The following DIPK1A variants were observed in gnomAD, a reference collection of about 807,000 sequenced individuals.
DIPK1A encodes the protein family with sequence similarity 69 member A.
A neutral mutation model predicts 40.8 loss-of-function variants in DIPK1A; 27 were observed. The observed-to-expected ratio is 0.66, with a 90% confidence interval of 0.49 to 0.91. The LOEUF (loss-of-function observed/expected upper bound fraction) is 0.91, where lower values mean the gene tolerates loss of function less well. Among genes scored for constraint, DIPK1A ranks in the 40% least tolerant of loss-of-function variants. The pLI is 0.00. For synonymous variants in DIPK1A, 166 were observed against 171.3 expected, an observed-to-expected ratio of 0.97 and a Z score of 0.24; for missense variants, 412 against 505.7, an observed-to-expected ratio of 0.81 and a Z score of 1.78.
rs1192984315 is a variant in DIPK1A at position 92,897,960 on chromosome 1, G to A, written c.55-21530C>T. Among the ~76,000 whole-genome samples, 5 of 152,072 alleles carry A rather than the reference G, an allele frequency of 3.3e-5. No individual in the cohort carries two copies. The South Asian group carries it at 6.2e-4, about 19-fold the overall frequency. On this transcript the variant is annotated intron_variant, in intron 1 of 4. Coordinates refer to ENST00000370310, the MANE Select transcript of DIPK1A (RefSeq NM_001006605.5). ...CTAAAAATACAAAAATTAGCCATGC[G>A]TGGTGGCGTGCACCTATAGTCTCAG...
chr1:92,840,852 T>C, downstream of DIPK1A: 1 of 680,650 alleles, frequency 1.5e-6, no homozygotes, highest in Non-Finnish European at 2.7e-6. Flanking sequence ...TAGTACAGTC[T>C]AAGTACTGGT....
At chr1:92,904,452 G>A (rs1486831247) in intron 1 of DIPK1A, among the ~76,000 whole-genome samples, 2 of 152,072 alleles carry the variant, frequency 1.3e-5, no homozygotes, top group Admixed American at 1.3e-4. Flanking sequence ...AGTGAATGTT[G>A]CTATAAATCT....
At chr1:92,899,574 G>A (rs531835258) in intron 1 of DIPK1A, among the ~76,000 whole-genome samples, 3 of 152,138 alleles carry the variant, frequency 2.0e-5, no homozygotes, top group South Asian at 2.1e-4. Flanking sequence ...GGGAAAACTC[G>A]CTTCTTCATT....
chr1:92,947,123 T>C (rs1019051990), intron 1 of DIPK1A, among the ~76,000 whole-genome samples: 1 of 152,150 alleles, frequency 6.6e-6, no homozygotes, highest in Non-Finnish European at 1.5e-5. Context: ...CTATTATATG[T>C]ATATAGTAAC....
intron 1 of DIPK1A, among the ~76,000 whole-genome samples, chr1:92,957,980 A>G (rs1034450034): frequency 2.0e-4 from 31 of 152,280 alleles, no homozygotes; most frequent in African/African-American, 7.2e-4. Context: ...ATAATACGTG[A>G]TCTTTTGTGA....
intron 1 of DIPK1A, among the ~76,000 whole-genome samples, chr1:92,949,875 G>A (rs1367311414): frequency 6.6e-6 from 1 of 152,162 alleles, no homozygotes; most frequent in African/African-American, 2.4e-5. Flanking sequence ...TTACAATTAT[G>A]TATGCTGATT....
chr1:92,864,736 T>TA lies in DIPK1A; in HGVS notation c.189+11559dup, dbSNP rs879735704. On this transcript the variant is annotated intron_variant, in intron 2 of 4. Coordinates refer to ENST00000370310, the MANE Select transcript of DIPK1A (RefSeq NM_001006605.5). Reference sequence around the variant, plus strand: ...GTGATTTCTATAATCAGAGAAAATGTAAAAAAAAAATGATATAACAAGGCC... The same window carrying TA: ...GTGATTTCTATAATCAGAGAAAATGTAAAAAAAAAAATGATATAACAAGGCC... Among the ~76,000 whole-genome samples the TA allele has an allele frequency of 1.9e-3, 287 of 148,256 alleles. 1 individual carries two copies. The highest frequency in any genetic ancestry group is 4.1e-3 in the African/African-American group (168 of 40,530).
At chr1:92,902,044 C>T (rs554983174) in intron 1 of DIPK1A, among the ~76,000 whole-genome samples, 8 of 152,014 alleles carry the variant, frequency 5.3e-5, no homozygotes, top group East Asian at 1.9e-4. Context: ...TGGTGGGGGA[C>T]GCGGGAGGGC....
downstream of DIPK1A, among the ~76,000 whole-genome samples, chr1:92,839,942 G>A (rs1479224968): frequency 3.3e-5 from 5 of 151,634 alleles, no homozygotes; most frequent in East Asian, 9.7e-4. Context: ...CTGGGCTCAA[G>A]CAATTCTCCC....
intron 1 of DIPK1A, among the ~76,000 whole-genome samples, chr1:92,878,230 A>G (rs1030027020): frequency 1.3e-5 from 2 of 152,240 alleles, no homozygotes; most frequent in African/African-American, 4.8e-5. Context: ...AGGGAAAAAA[A>G]GGCAAGGGGA....
chr1:92,873,276 C>T (rs1647960575), intron 2 of DIPK1A, among the ~76,000 whole-genome samples: 1 of 152,074 alleles, frequency 6.6e-6, no homozygotes, highest in Non-Finnish European at 1.5e-5. Context: ...GATCATACAT[C>T]ACCAGTGAAA....
At chr1:92,887,588 C>G (rs1648669305) in intron 1 of DIPK1A, among the ~76,000 whole-genome samples, 1 of 152,148 alleles carries the variant, frequency 6.6e-6, no homozygotes, top group African/African-American at 2.4e-5. Flanking sequence ...GTCCTGAAGT[C>G]AAGCCAAGCC....
chr1:92,893,743 G>A (rs919925145), intron 1 of DIPK1A, among the ~76,000 whole-genome samples: 21 of 151,984 alleles, frequency 1.4e-4, no homozygotes, highest in Non-Finnish European at 2.9e-4. Context: ...TCAGTGTGCT[G>A]TATTCAGGAA....
At chr1:92,892,795 G>C (rs1648957197) in intron 1 of DIPK1A, among the ~76,000 whole-genome samples, 1 of 131,668 alleles carries the variant, frequency 7.6e-6, no homozygotes, top group Non-Finnish European at 1.6e-5. Context: ...CCAATGCAGA[G>C]AAGTCCTTAA....
At chr1:92,836,488 C>A in intron 4 of DIPK1A, 1 of 1,098,436 alleles carries the variant, frequency 9.1e-7, no homozygotes, top group Non-Finnish European at 1.4e-6. Flanking sequence ...AAGTAGCTAT[C>A]AATTGAATGC....
intron 1 of DIPK1A, among the ~76,000 whole-genome samples, chr1:92,922,127 A>G (rs1243404024): frequency 6.6e-6 from 1 of 152,054 alleles, no homozygotes; most frequent in East Asian, 1.9e-4. Flanking sequence ...TAAAATCTTA[A>G]TTGTTTTTGG....
chr1:92,886,044 T>C (rs1648582379), intron 1 of DIPK1A, among the ~76,000 whole-genome samples: 1 of 152,128 alleles, frequency 6.6e-6, no homozygotes, highest in South Asian at 2.1e-4. Context: ...AAAAAATTGA[T>C]ATTTAAGACT....
At chr1:92,852,451 G>A (rs1420379016) in intron 2 of DIPK1A, among the ~76,000 whole-genome samples, 1 of 151,028 alleles carries the variant, frequency 6.6e-6, no homozygotes, top group East Asian at 2.0e-4. Flanking sequence ...AGTGAGCCGA[G>A]ATCACACCAT....
chr1:92,888,527 C>A (rs919992613), intron 1 of DIPK1A, among the ~76,000 whole-genome samples: 3 of 152,120 alleles, frequency 2.0e-5, no homozygotes, highest in Admixed American at 1.3e-4. Flanking sequence ...ATACTGATTA[C>A]CTTTCCTTGG....
Sources: gnomAD v4.1 joint callset for allele counts (sites outside exome capture counted in the v4.1 genomes callset) on GRCh38, gnomAD v4.1.1 for gene constraint, MANE v1.5 for transcripts, NCBI Gene and HGNC (gene_info 2026-07-23, HGNC 2026-07-21) for gene names.